The following SLC39A11 variants were observed in gnomAD, a reference collection of about 807,000 sequenced individuals.
The protein encoded by SLC39A11 is zinc transporter ZIP11.
In SLC39A11, 33 loss-of-function variants were observed where a neutral mutation model predicts 36.1. The observed-to-expected ratio is 0.91, with a 90% CI of 0.69 to 1.22. The LOEUF (loss-of-function observed/expected upper bound fraction) is 1.22, where lower values mean the gene tolerates loss of function less well. SLC39A11 is among the 50% of genes most tolerant of loss of function. The pLI is 0.00. For synonymous variants in SLC39A11, 166 were observed against 170.3 expected, an observed-to-expected ratio of 0.97 and a Z score of 0.20; for missense variants, 432 against 430.3, an observed-to-expected ratio of 1.00 and a Z score of -0.03.
At chr17:72,717,387 G>A (rs546202926) in intron 7 of SLC39A11, among the ~76,000 whole-genome samples, 2 of 152,214 alleles carry the variant, frequency 1.3e-5, no homozygotes, top group South Asian at 4.1e-4. Flanking sequence ...AGAAGTCCAA[G>A]ATCAAGTTGT....
At chr17:73,045,106 C>T (rs2059236437) in intron 3 of SLC39A11, among the ~76,000 whole-genome samples, 1 of 151,948 alleles carries the variant, frequency 6.6e-6, no homozygotes, top group South Asian at 2.1e-4. Context: ...TGGGGTCTAT[C>T]CTAAAATGGC....
chr17:72,851,932 G>A lies in SLC39A11; in HGVS notation c.431-2128C>T, dbSNP rs372928402. 8.5e-5 allele frequency among the ~76,000 whole-genome samples: 13 copies of A among 152,184 alleles called. No homozygotes were observed. In the East Asian group the frequency reaches 2.3e-3, roughly 27 times the overall value. ...GAAAATCATTTTGTGGCCAGGCGCA[G>A]TAGCTCACACCTGTAATCCCAGCAC... On this transcript the variant is annotated intron_variant, in intron 5 of 9. Coordinates refer to ENST00000255559, the MANE Select transcript of SLC39A11 (RefSeq NM_139177.4).
chr17:72,960,176 C>T (rs1357497716), intron 4 of SLC39A11, among the ~76,000 whole-genome samples: 1 of 152,192 alleles, frequency 6.6e-6, no homozygotes, highest in Non-Finnish European at 1.5e-5. Context: ...TCTCCTTACA[C>T]AGCAGCATGG....
rs1401642406 is a variant in SLC39A11, at chr17:72,969,829, C to T, written c.307-21954G>A. The stretch of plus-strand genomic sequence containing the variant: ...TTAATATTTAAAAAAAATTATGACA[C>T]AGGCCACAGTGTGGAAGGTTCATCC... On this transcript the variant is annotated intron_variant, in intron 4 of 9. Coordinates refer to ENST00000255559, the MANE Select transcript of SLC39A11 (RefSeq NM_139177.4). Among the ~76,000 whole-genome samples the T allele has an allele frequency of 2.0e-5, 3 of 152,202 alleles. No homozygotes were observed. In the East Asian group the frequency reaches 5.8e-4, roughly 29 times the overall value.
intron 7 of SLC39A11, among the ~76,000 whole-genome samples, chr17:72,730,203 T>C (rs2074159804): frequency 2.0e-5 from 3 of 152,176 alleles, no homozygotes; most frequent in African/African-American, 7.2e-5. Context: ...CATGACTGTG[T>C]TTCTCCTTGC....
At chr17:73,051,962 T>C (rs1414085477) in intron 3 of SLC39A11, among the ~76,000 whole-genome samples, 2 of 151,762 alleles carry the variant, frequency 1.3e-5, no homozygotes, top group East Asian at 3.9e-4. Context: ...AGGACACTGA[T>C]TCAGACCCGT....
intron 5 of SLC39A11, among the ~76,000 whole-genome samples, chr17:72,852,577 GTGTGTGCA>G (rs1031587931): frequency 1.6e-4 from 25 of 152,264 alleles, no homozygotes; most frequent in African/African-American, 2.4e-4. Flanking sequence ...ATGTACGTGT[GTGTGTGCA>G]TGTGTGCATG....
intron 6 of SLC39A11, among the ~76,000 whole-genome samples, chr17:72,816,331 T>C (rs1449978610): frequency 3.3e-5 from 5 of 152,310 alleles, no homozygotes; most frequent in South Asian, 4.1e-4. Flanking sequence ...TCTGTTGTTG[T>C]TGTTTTTCTA....
intron 5 of SLC39A11, among the ~76,000 whole-genome samples, chr17:72,880,326 T>C (rs2081128283): frequency 1.3e-5 from 2 of 152,112 alleles, no homozygotes; most frequent in South Asian, 4.1e-4. Flanking sequence ...CCCAACACTT[T>C]GGGAGGTTGA....
intron 4 of SLC39A11, among the ~76,000 whole-genome samples, chr17:72,975,572 A>T (rs1300741568): frequency 6.6e-6 from 1 of 152,228 alleles, no homozygotes; most frequent in Admixed American, 6.5e-5. Flanking sequence ...TCACAGACAC[A>T]AATCTGCTGC....
intron 5 of SLC39A11, among the ~76,000 whole-genome samples, chr17:72,884,390 A>C (rs967724691): frequency 5.9e-5 from 9 of 152,256 alleles, no homozygotes; most frequent in African/African-American, 2.2e-4. Context: ...TATCTACTGC[A>C]GTGCAAGGCT....
At chr17:72,712,206 G>A (rs1598415218) in intron 7 of SLC39A11, among the ~76,000 whole-genome samples, 1 of 152,360 alleles carries the variant, frequency 6.6e-6, no homozygotes, top group East Asian at 1.9e-4. Flanking sequence ...CAAGAAGGAA[G>A]ACAGACAGGG....
intron 6 of SLC39A11, among the ~76,000 whole-genome samples, chr17:72,780,941 C>T (rs966786625): frequency 5.3e-5 from 8 of 152,116 alleles, no homozygotes; most frequent in African/African-American, 1.9e-4. Flanking sequence ...GAGCTCAGAT[C>T]GCGCCATTGC....
chr17:72,942,064 A>AT (rs201627639), intron 5 of SLC39A11, among the ~76,000 whole-genome samples: 7,257 of 148,772 alleles, frequency 0.049, 506 homozygotes, highest in African/African-American at 0.16. Flanking sequence ...TATTATTATT[A>AT]TTTTTTTTTT....
chr17:72,872,174 G>A (rs2080668078), intron 5 of SLC39A11, among the ~76,000 whole-genome samples: 1 of 152,202 alleles, frequency 6.6e-6, no homozygotes, highest in African/African-American at 2.4e-5. Flanking sequence ...TTCCAACCCA[G>A]CAAAGTCCCA....
chr17:72,664,325 C>A (rs2070627738), intron 7 of SLC39A11, among the ~76,000 whole-genome samples: 1 of 152,210 alleles, frequency 6.6e-6, no homozygotes, highest in Admixed American at 6.5e-5. Context: ...ATGCTGGATG[C>A]CAAGCCCTCT....
rs58702930 is a variant in SLC39A11 at position 72,905,172 on chromosome 17, C to CAAAAAAAA, written c.430+42572_430+42579dup. Among the ~76,000 whole-genome samples, 162 of 42,902 alleles carry CAAAAAAAA rather than the reference C, an allele frequency of 3.8e-3. 17 individuals are homozygous for CAAAAAAAA. The highest frequency in any genetic ancestry group is 5.5e-3 in the East Asian group (5 of 908). 28.1% of individuals were successfully genotyped at this position (42,902 alleles called of 152,430 possible). A position where few individuals can be genotyped will look rare whatever the true frequency, so the allele number is the denominator to read the frequency against. The stretch of plus-strand genomic sequence containing the variant: ...TGGGCAACACAGCGAGACTCCATCT[C>CAAAAAAAA]AAAAAAAAAAAAAAAAAAAAAAAAA... On this transcript the variant is annotated intron_variant, in intron 5 of 9. Transcript: ENST00000255559.
Position 72,748,321 on chromosome 17 carries a change from C to CAAAAA in SLC39A11, c.602-11607_602-11603dup, listed in dbSNP as rs10657048. On this transcript the variant is annotated intron_variant, in intron 6 of 9. Transcript: ENST00000255559. ...TGGGCAATAGAGGGAGACTCCATCTCAAAAAAAAAAAATTCTTATCAATAA... is the reference window on the plus strand; with the variant it reads ...TGGGCAATAGAGGGAGACTCCATCTCAAAAAAAAAAAAAAAAATTCTTATCAATAA... 1.5e-3 allele frequency among the ~76,000 whole-genome samples: 224 copies of CAAAAA among 147,492 alleles called. 2 individuals carry two copies. Among genetic ancestry groups the CAAAAA allele is most frequent in the African/African-American group, 4.4e-3 (176 of 40,180 alleles).
chr17:72,654,666 G>A (rs1377502237), intron 7 of SLC39A11, among the ~76,000 whole-genome samples: 2 of 152,158 alleles, frequency 1.3e-5, no homozygotes, highest in Non-Finnish European at 2.9e-5. Flanking sequence ...TGCAAAGTCC[G>A]AAGTGCAAGG....
Sources: gnomAD v4.1 joint callset for allele counts (sites outside exome capture counted in the v4.1 genomes callset) on GRCh38, gnomAD v4.1.1 for gene constraint, MANE v1.5 for transcripts, NCBI Gene and HGNC (gene_info 2026-07-23, HGNC 2026-07-21) for gene names.